The following AFF2 variants were observed in gnomAD, a reference collection of about 807,000 sequenced individuals.
AFF2 encodes AF4/FMR2 family member 2.
AFF2 carries 14 observed loss-of-function variants against 76.9 expected under a neutral mutation model. The observed-to-expected ratio is 0.18, with a 90% CI of 0.12 to 0.28. The LOEUF (loss-of-function observed/expected upper bound fraction) is 0.28, where lower values mean the gene tolerates loss of function less well. AFF2 is among the 10% of genes least tolerant of loss of function. The pLI is 1.00. For synonymous variants in AFF2, 398 were observed against 366.7 expected (o/e 1.09, Z -0.98); for missense variants, 868 against 1,001.1 (o/e 0.87, Z 1.79).
chrX:148,959,282 A>G lies in AFF2; in HGVS notation c.2690+824A>G, dbSNP rs139291920. ...GTCTTATAAATATCACTTAACTAAC[A>G]ATCATGTCAGCAACTTGAACCATTC... On this transcript the variant is annotated intron_variant, in intron 12 of 20. Transcript: ENST00000370460. 2.5e-3 allele frequency among the ~76,000 whole-genome samples: 273 copies of G among 111,219 alleles called. 2 individuals are homozygous for G. The highest frequency in any genetic ancestry group is 8.4e-3 in the African/African-American group (258 of 30,857).
At chrX:148,581,183 ACACATATACATATACG>A (rs2053371587) in intron 1 of AFF2, among the ~76,000 whole-genome samples, 1 of 102,889 alleles carries the variant, frequency 9.7e-6, no homozygotes, top group African/African-American at 3.6e-5. Flanking sequence ...ATACGTATAC[ACACATATACATATACG>A]TATACGTATA....
intron 3 of AFF2, among the ~76,000 whole-genome samples, chrX:148,680,357 T>G (rs375086063): frequency 8.9e-6 from 1 of 112,276 alleles, no homozygotes; most frequent in Admixed American, 9.5e-5. Context: ...AGTTGTGTGA[T>G]AACAAGTTAT....
chrX:148,518,147 G>C (rs1263441878), intron 1 of AFF2, among the ~76,000 whole-genome samples: 2 of 112,037 alleles, frequency 1.8e-5, no homozygotes, highest in Non-Finnish European at 3.8e-5. Context: ...TTAGAATTGA[G>C]TCTAGAGATT....
chrX:148,566,359 A>G lies in AFF2; in HGVS notation c.47+65215A>G, dbSNP rs190414976. 6.5e-3 allele frequency among the ~76,000 whole-genome samples: 719 copies of G among 111,452 alleles called. 7 individuals are homozygous for G. The highest frequency in any genetic ancestry group is 0.022 in the African/African-American group (681 of 30,637). ...TCAGAATTAAAGGAACAAAAGAATG[A>G]AAGTATTAAAATGGTTGCTTGAATA... On this transcript the variant is annotated intron_variant, in intron 1 of 20. Transcript: ENST00000370460.
At chrX:148,582,654 G>C (rs1021448182) in intron 1 of AFF2, among the ~76,000 whole-genome samples, 6 of 111,732 alleles carry the variant, frequency 5.4e-5, no homozygotes, top group African/African-American at 1.9e-4. Context: ...AACATACAAT[G>C]GTATAGCCAC....
chrX:148,869,584 G>A (rs916083904), intron 7 of AFF2, among the ~76,000 whole-genome samples: 3 of 111,689 alleles, frequency 2.7e-5, no homozygotes, highest in African/African-American at 9.8e-5. Flanking sequence ...TAGCTGTCAG[G>A]GCTGTAAATA....
chrX:148,786,640 A>G (rs1557269537), intron 3 of AFF2, among the ~76,000 whole-genome samples: 1 of 112,157 alleles, frequency 8.9e-6, no homozygotes, highest in African/African-American at 3.2e-5. Context: ...GTCCCAGCCT[A>G]GTGAAATCAT....
intron 3 of AFF2, among the ~76,000 whole-genome samples, chrX:148,721,063 T>C (rs1291857507): frequency 8.9e-6 from 1 of 112,217 alleles, no homozygotes; most frequent in Non-Finnish European, 1.9e-5. Context: ...ATAACATGTC[T>C]GTCTAACTGC....
chrX:148,669,415 A>G (rs1468061912), intron 3 of AFF2, among the ~76,000 whole-genome samples: 1 of 111,717 alleles, frequency 9.0e-6, no homozygotes, highest in Non-Finnish European at 1.9e-5. Context: ...GTCCATTTTC[A>G]TGCTGCCGAT....
At chrX:148,690,624 G>A (rs2054641438) in intron 3 of AFF2, among the ~76,000 whole-genome samples, 1 of 112,262 alleles carries the variant, frequency 8.9e-6, no homozygotes, top group Non-Finnish European at 1.9e-5. Context: ...AGGCACTATG[G>A]CTTACCATCT....
At chrX:148,957,683 A>G (rs963293090) in intron 11 of AFF2, among the ~76,000 whole-genome samples, 24 of 112,404 alleles carry the variant, frequency 2.1e-4, no homozygotes, top group African/African-American at 6.8e-4. Context: ...AAAAATATTC[A>G]AAGTCTGAAA....
At chrX:148,973,398 A>T in intron 15 of AFF2, 73 bp from the exon 16 acceptor site, 1 of 1,158,384 alleles carries the variant, frequency 8.6e-7, no homozygotes, top group Non-Finnish European at 1.2e-6. Context: ...ACTACCCCCC[A>T]GTTTCAAACC....
At chrX:148,916,426 G>A (rs1557282614) in intron 9 of AFF2, among the ~76,000 whole-genome samples, 1 of 108,294 alleles carries the variant, frequency 9.2e-6, no homozygotes. Context: ...TAGCCAGGAT[G>A]GTCTCGATCT....
At chrX:148,970,664 C>T (rs2072238392) in intron 15 of AFF2, among the ~76,000 whole-genome samples, 1 of 111,626 alleles carries the variant, frequency 9.0e-6, no homozygotes, top group African/African-American at 3.3e-5. Context: ...AAAATTTTAC[C>T]AAACTAAAAT....
intron 3 of AFF2, among the ~76,000 whole-genome samples, chrX:148,742,467 A>G (rs1170352681): frequency 2.7e-5 from 3 of 111,814 alleles, no homozygotes; most frequent in Non-Finnish European, 5.6e-5. Context: ...ATTAGACATT[A>G]TCTGTTTCAA....
intron 16 of AFF2, among the ~76,000 whole-genome samples, chrX:148,975,943 C>CAAACA (rs782009568): frequency 4.4e-5 from 1 of 22,719 alleles, no homozygotes; most frequent in African/African-American, 9.3e-5. Flanking sequence ...GACTCCGTCT[C>CAAACA]AAAAAAAAAA....
At chrX:148,576,982 C>T (rs1365067406) in intron 1 of AFF2, among the ~76,000 whole-genome samples, 1 of 111,747 alleles carries the variant, frequency 8.9e-6, no homozygotes, top group Non-Finnish European at 1.9e-5. Flanking sequence ...GCTGCTCAGT[C>T]ACAGGTTATT....
intron 3 of AFF2, among the ~76,000 whole-genome samples, chrX:148,698,361 G>A (rs2054746146): frequency 8.9e-6 from 1 of 112,183 alleles, no homozygotes; most frequent in East Asian, 2.8e-4. Context: ...TATCTTTTGT[G>A]GCTTGTAATA....
chrX:148,656,510 T>C (rs2124462190), intron 2 of AFF2, among the ~76,000 whole-genome samples: 1 of 97,213 alleles, frequency 1.0e-5, no homozygotes, highest in South Asian at 5.3e-4. Flanking sequence ...TTTTTTTTTT[T>C]TTTTTTTGAG....
Sources: allele counts gnomAD v4.1 joint callset (sites outside exome capture counted in the v4.1 genomes callset), GRCh38; gene constraint gnomAD v4.1.1; transcripts MANE v1.5; gene names NCBI Gene and HGNC (gene_info 2026-07-23, HGNC 2026-07-21).